The following LPCAT3 variants were observed in gnomAD, a reference collection of about 807,000 sequenced individuals.
The protein encoded by LPCAT3 is lysophospholipid acyltransferase 5.
A neutral mutation model predicts 63.4 loss-of-function variants in LPCAT3; 21 were observed. That is an observed-to-expected ratio of 0.33 (90% confidence interval 0.23 to 0.48). LPCAT3 has a LOEUF of 0.48. LPCAT3 is among the 20% of genes least tolerant of loss of function. The pLI is 0.99. For synonymous variants in LPCAT3, 242 were observed against 227.5 expected (o/e 1.06, Z -0.58); for missense variants, 451 against 590.6 (o/e 0.76, Z 2.45).
intron 1 of LPCAT3, chr12:7,001,313 T>C (rs1250989817): frequency 5.0e-6 from 2 of 402,914 alleles, no homozygotes; most frequent in Non-Finnish European, 9.8e-6. Flanking sequence ...ATAGAAGATA[T>C]TTTTGTATTC....
chr12:6,977,946 G>A lies in LPCAT3; in HGVS notation c.1041-201C>T. 1.6e-6 allele frequency: 1 copy of A among 612,768 alleles called. No individual in the cohort carries two copies. Among genetic ancestry groups the A allele is most frequent in the African/African-American group, 1.8e-5 (1 of 54,132 alleles). 38.0% of individuals were successfully genotyped at this position (612,768 alleles called of 1,614,324 possible). A position where few individuals can be genotyped will look rare whatever the true frequency, so the allele number is the denominator to read the frequency against. On this transcript the variant is annotated intron_variant, in intron 9 of 12. Transcript: ENST00000261407. The surrounding 1 kb of genome is among the most constrained non-coding windows in gnomAD (Gnocchi z 4.5). ...CCCAAGGCGGAGCTGGAGACCGTGT[G>A]CGCACGAGCCACTTGGTTCAGCAGC...
intron 5 of LPCAT3, 24 bp from the exon 6 acceptor site, chr12:6,981,206 G>T: frequency 6.3e-7 from 1 of 1,577,068 alleles, no homozygotes; most frequent in Admixed American, 1.8e-5. Context: ...AGAATGCATG[G>T]TTCAGGATAG....
intron 1 of LPCAT3, among the ~76,000 whole-genome samples, chr12:7,007,493 C>CTT (rs1161030834): frequency 0.019 from 2,273 of 121,674 alleles, 138 homozygotes; most frequent in African/African-American, 0.062. Context: ...TTGACAAAAG[C>CTT]TTTTTTTTTT....
At chr12:7,009,514 A>T (rs147942812) in intron 1 of LPCAT3, among the ~76,000 whole-genome samples, 50 of 152,348 alleles carry the variant, frequency 3.3e-4, no homozygotes, top group African/African-American at 1.2e-3. Flanking sequence ...AGAGTTTCTC[A>T]ATCAGTAGTT....
At chr12:7,000,312 C>T (rs1220657908) in intron 1 of LPCAT3, among the ~76,000 whole-genome samples, 1 of 151,476 alleles carries the variant, frequency 6.6e-6, no homozygotes, top group East Asian at 2.0e-4. Context: ...AAATATTTGG[C>T]CGGGCGCGGT....
intron 1 of LPCAT3, among the ~76,000 whole-genome samples, chr12:6,986,719 GTTGCAGTGAGCAGAGA>G (rs1376537776): frequency 8.8e-5 from 13 of 147,726 alleles, no homozygotes; most frequent in Non-Finnish European, 1.5e-4. Context: ...GGAGGCAGAG[GTTGCAGTGAGCAGAGA>G]TTGCAGTGAG....
At chr12:7,010,424 T>C (rs782755452) in intron 1 of LPCAT3, among the ~76,000 whole-genome samples, 1 of 152,180 alleles carries the variant, frequency 6.6e-6, no homozygotes, top group African/African-American at 2.4e-5. Flanking sequence ...GATTGATTGA[T>C]TGACTGACTG....
At chr12:6,984,808 C>CT (rs1946504848) in intron 1 of LPCAT3, among the ~76,000 whole-genome samples, 1 of 152,044 alleles carries the variant, frequency 6.6e-6, no homozygotes, top group African/African-American at 2.4e-5. Flanking sequence ...TGGCCTTGAC[C>CT]TCCTGGGCTC....
intron 1 of LPCAT3, among the ~76,000 whole-genome samples, chr12:7,012,133 C>T (rs1436586094): frequency 1.3e-5 from 2 of 152,198 alleles, no homozygotes; most frequent in Non-Finnish European, 2.9e-5. Flanking sequence ...ATCAGTCTAA[C>T]AGCCAAGCCA....
rs1325493919 is a variant in LPCAT3, at chr12:6,981,731, AG to A, written c.460+79del. The A allele has an allele frequency of 5.3e-4, 112 of 211,952 alleles. 2 individuals are homozygous for A. The highest frequency in any genetic ancestry group is 7.3e-4 in the Non-Finnish European group (83 of 114,192). 13.1% of individuals were successfully genotyped at this position (211,952 alleles called of 1,614,324 possible). A position where few individuals can be genotyped will look rare whatever the true frequency, so the allele number is the denominator to read the frequency against. On this transcript the variant is annotated intron_variant, in intron 4 of 12. Transcript: ENST00000261407. ...GCCAGAAGTGTATGGCGGGGGGCGG[AG>A]GGGGGGTGCCGAGGAAGTTTTTAGT...
chr12:6,981,767 G>A, intron 4 of LPCAT3, 44 bp downstream of exon 4: 1 of 1,522,820 alleles, frequency 6.6e-7, no homozygotes, highest in Non-Finnish European at 9.1e-7. Flanking sequence ...TGAGATGGGG[G>A]AGGGACCTAC....
intron 1 of LPCAT3, among the ~76,000 whole-genome samples, chr12:7,004,491 C>T (rs1565605214): frequency 6.6e-6 from 1 of 152,136 alleles, no homozygotes; most frequent in Non-Finnish European, 1.5e-5. Flanking sequence ...TGGAAGGTAG[C>T]CCAGCTGGAA....
At chr12:6,989,170 T>TTTTGATTG (rs1295882634) in intron 1 of LPCAT3, among the ~76,000 whole-genome samples, 1 of 152,028 alleles carries the variant, frequency 6.6e-6, no homozygotes, top group Non-Finnish European at 1.5e-5. Flanking sequence ...TGTTCCTTCT[T>TTTTGATTG]TTTGATTGTT....
At chr12:7,001,445 A>G (rs782683177) in intron 1 of LPCAT3, 12 of 455,984 alleles carry the variant, frequency 2.6e-5, no homozygotes, top group Non-Finnish European at 4.8e-5. Context: ...TTCTGCTGCT[A>G]CTGCCAGAAT....
intron 1 of LPCAT3, among the ~76,000 whole-genome samples, chr12:6,996,915 T>A (rs1490505095): frequency 1.3e-5 from 2 of 151,960 alleles, no homozygotes; most frequent in African/African-American, 4.8e-5. Context: ...GGGCATTCAC[T>A]CCAAGAGACT....
chr12:7,004,504 T>C (rs781871280), intron 1 of LPCAT3, among the ~76,000 whole-genome samples: 1 of 152,216 alleles, frequency 6.6e-6, no homozygotes, highest in Non-Finnish European at 1.5e-5. Flanking sequence ...AGCTGGAATT[T>C]GAACCCAGAC....
At chr12:6,996,284 C>T (rs781876376) in intron 1 of LPCAT3, among the ~76,000 whole-genome samples, 93 of 152,332 alleles carry the variant, frequency 6.1e-4, no homozygotes, top group African/African-American at 2.0e-3. Flanking sequence ...CTTCCTACAC[C>T]TCAGGTCCTT....
chr12:7,001,949 G>C (rs918249912), intron 1 of LPCAT3, among the ~76,000 whole-genome samples: 1 of 152,114 alleles, frequency 6.6e-6, no homozygotes, highest in East Asian at 1.9e-4. Context: ...GTGGGAGTCG[G>C]GGGGGAGTTG....
chr12:6,977,161 T>A lies in LPCAT3; in HGVS notation c.1449A>T (p.Leu483Phe). ...GGGAAATGGATTATTCCATCTTCTTTAACTTCTCTTTCCTTGGCACCATTG... is the reference window on the plus strand; with the variant it reads ...GGGAAATGGATTATTCCATCTTCTTAAACTTCTCTTTCCTTGGCACCATTG... ...HKAMVPRKEK[L>F]KKME The change falls in exon 12 of 13, where the codon TTA becomes TTT. Residue 483 changes from leucine to phenylalanine, a missense_variant. Transcript: ENST00000261407. This position sits in a 1 kb window ranked among gnomAD's most constrained non-coding sequence, Gnocchi z 4.5. The A allele has an allele frequency of 5.0e-6, 8 of 1,608,060 alleles. No individual in the cohort carries two copies. The highest frequency in any genetic ancestry group is 6.0e-6 in the Non-Finnish European group (7 of 1,174,456).
Sources: gnomAD v4.1 joint callset for allele counts (sites outside exome capture counted in the v4.1 genomes callset) on GRCh38, gnomAD v4.1.1 for gene constraint, Gnocchi (gnomAD v3.1) non-coding constraint, MANE v1.5 for transcripts, NCBI Gene and HGNC (gene_info 2026-07-23, HGNC 2026-07-21) for gene names.